The following GRIK4 variants were observed in gnomAD, a reference collection of about 807,000 sequenced individuals.
GRIK4 encodes glutamate ionotropic receptor kainate type subunit 4.
In GRIK4, 40 loss-of-function variants were observed where a neutral mutation model predicts 104.9. The ratio of observed to expected loss-of-function variants is 0.38; its 90% CI spans 0.30 to 0.50. GRIK4 has a LOEUF of 0.50. GRIK4 is among the 20% of genes least tolerant of loss of function. GRIK4 has a pLI of 0.93. For missense variants in GRIK4, 1,047 were observed against 1,308.1 expected (o/e 0.80, Z 3.08); for synonymous variants, 485 against 524.9 (o/e 0.92, Z 1.04).
At chr11:120,698,667 CT>C (rs1378162199) in intron 3 of GRIK4, among the ~76,000 whole-genome samples, 2 of 152,230 alleles carry the variant, frequency 1.3e-5, no homozygotes, top group Admixed American at 6.5e-5. Flanking sequence ...CCCCTTCCCC[CT>C]GGCTCTGTGG....
intron 11 of GRIK4, among the ~76,000 whole-genome samples, chr11:120,890,224 G>C (rs1955246143): frequency 6.6e-6 from 1 of 152,176 alleles, no homozygotes; most frequent in Non-Finnish European, 1.5e-5. Flanking sequence ...CTGTACTATG[G>C]GTAGGCAGGT....
chr11:120,855,809 G>A (rs569328220), intron 8 of GRIK4, among the ~76,000 whole-genome samples: 9 of 152,334 alleles, frequency 5.9e-5, no homozygotes, highest in Non-Finnish European at 7.4e-5. Context: ...GTAATGCCCC[G>A]GCCTTGGCCT....
chr11:120,878,455 C>G (rs879790992), intron 11 of GRIK4, among the ~76,000 whole-genome samples: 2 of 152,186 alleles, frequency 1.3e-5, no homozygotes, highest in African/African-American at 4.8e-5. Context: ...TTCTTGACCT[C>G]TCCACATCCT....
intron 18 of GRIK4, among the ~76,000 whole-genome samples, chr11:120,964,271 C>A (rs1036592377): frequency 3.9e-5 from 6 of 152,054 alleles, no homozygotes; most frequent in African/African-American, 1.4e-4. Flanking sequence ...GGATTACAGG[C>A]GTGAGCCACC....
At chr11:120,717,884 G>C (rs935342593) in intron 3 of GRIK4, among the ~76,000 whole-genome samples, 1 of 152,156 alleles carries the variant, frequency 6.6e-6, no homozygotes, top group African/African-American at 2.4e-5. Flanking sequence ...TGAGCAGCTG[G>C]GGGATGGGGA....
intron 13 of GRIK4, among the ~76,000 whole-genome samples, chr11:120,936,899 A>C (rs1316318186): frequency 6.7e-6 from 1 of 149,314 alleles, no homozygotes; most frequent in Non-Finnish European, 1.5e-5. Flanking sequence ...GGCTTGGATG[A>C]GTTGTCATTG....
intron 3 of GRIK4, among the ~76,000 whole-genome samples, chr11:120,744,815 A>G (rs1217754790): frequency 1.3e-5 from 2 of 152,216 alleles, no homozygotes; most frequent in Non-Finnish European, 2.9e-5. Context: ...AGGGGAAAAA[A>G]TCGCTTTGCA....
chr11:120,694,115 C>T (rs61902684), intron 3 of GRIK4, among the ~76,000 whole-genome samples: 2,895 of 152,212 alleles, frequency 0.019, 38 homozygotes, highest in Non-Finnish European at 0.026. Context: ...CTGGACGAGA[C>T]GTCCAGTAGA....
At chr11:120,958,939 G>A (rs1944227488) in intron 16 of GRIK4, among the ~76,000 whole-genome samples, 1 of 152,172 alleles carries the variant, frequency 6.6e-6, no homozygotes. Context: ...AAGAGCTGAG[G>A]CAGGAGCAGG....
At chr11:120,672,261 C>G (rs1034541564) in intron 3 of GRIK4, among the ~76,000 whole-genome samples, 5 of 151,930 alleles carry the variant, frequency 3.3e-5, no homozygotes, top group Non-Finnish European at 5.9e-5. Context: ...ACTAAAAATA[C>G]AAAAATTAGC....
intron 3 of GRIK4, among the ~76,000 whole-genome samples, chr11:120,681,708 A>C (rs1056760391): frequency 3.2e-4 from 48 of 152,322 alleles, no homozygotes; most frequent in African/African-American, 1.1e-3. Flanking sequence ...AACCTAAATC[A>C]TCCCCGTCAC....
rs12288335 is a variant in GRIK4, at chr11:120,721,554, G to A, written c.82+61154G>A. Among the ~76,000 whole-genome samples, 1,244 of 152,292 alleles carry A rather than the reference G, an allele frequency of 8.2e-3. 22 individuals are homozygous for A. Among genetic ancestry groups the A allele is most frequent in the African/African-American group, 0.029 (1,194 of 41,548 alleles). ...AGCAAGAACCTTTACTGTGGTTTCT[G>A]TGGGAAGAACCAGGTGAAGCAAGGC... On this transcript the variant is annotated intron_variant, in intron 3 of 20. Coordinates refer to ENST00000527524, the MANE Select transcript of GRIK4 (RefSeq NM_014619.5).
rs34209497 is a variant in GRIK4, at chr11:120,682,591, CT to C, written c.82+22207del. 2.1e-3 allele frequency among the ~76,000 whole-genome samples: 303 copies of C among 144,994 alleles called. 1 individual carries two copies. The highest frequency in any genetic ancestry group is 0.015 in the Middle Eastern group (4 of 274). On this transcript the variant is annotated intron_variant, in intron 3 of 20. Transcript: ENST00000527524. ...TGTCTAGACCACTATTTGCCCCCAT[CT>C]TTTTTTTTTTTTTTTCCCATCTGGC... is the stretch of plus-strand genomic sequence containing the variant.
intron 14 of GRIK4, among the ~76,000 whole-genome samples, chr11:120,947,146 G>A (rs954055180): frequency 1.3e-5 from 2 of 152,218 alleles, no homozygotes; most frequent in African/African-American, 4.8e-5. Context: ...GCTCATGCCT[G>A]TAATCCCAGC....
chr11:120,660,098 C>T (rs1949785421), intron 2 of GRIK4, among the ~76,000 whole-genome samples, 171 bp from the exon 3 acceptor site: 1 of 152,210 alleles, frequency 6.6e-6, no homozygotes. Context: ...TTACAGCAAC[C>T]TGCCCCATGT....
intron 3 of GRIK4, among the ~76,000 whole-genome samples, chr11:120,736,781 T>TC (rs112147161): frequency 0.058 from 8,747 of 150,398 alleles, 291 homozygotes; most frequent in South Asian, 0.15. Flanking sequence ...TCTCTCTCTC[T>TC]CCCCTCACCC....
intron 6 of GRIK4, among the ~76,000 whole-genome samples, chr11:120,822,897 A>G (rs180952659): frequency 3.7e-4 from 56 of 152,314 alleles, no homozygotes; most frequent in African/African-American, 1.2e-3. Context: ...TGAGCCAAAA[A>G]AGAATGCTGA....
chr11:120,608,611 G>A (rs1948992193), intron 1 of GRIK4, among the ~76,000 whole-genome samples: 1 of 152,240 alleles, frequency 6.6e-6, no homozygotes, highest in South Asian at 2.1e-4. Flanking sequence ...CCCCTTCTAA[G>A]TTGTGAGACT....
At chr11:120,961,497 T>C (rs1174691166) in intron 17 of GRIK4, among the ~76,000 whole-genome samples, 2 of 152,238 alleles carry the variant, frequency 1.3e-5, no homozygotes, top group African/African-American at 4.8e-5. Context: ...AGGTAGTATT[T>C]AGACAGAGCA....
Sources: gnomAD v4.1 joint callset for allele counts (sites outside exome capture counted in the v4.1 genomes callset) on GRCh38, gnomAD v4.1.1 for gene constraint, MANE v1.5 for transcripts, NCBI Gene and HGNC (gene_info 2026-07-23, HGNC 2026-07-21) for gene names.